Variants in AGBL1 observed in about 807,000 individuals in gnomAD.
The protein encoded by AGBL1 is cytosolic carboxypeptidase 4.
Under a neutral mutation model 118.9 loss-of-function variants are expected in AGBL1, and 130 were observed. The observed-to-expected ratio is 1.09, with a 90% CI of 0.95 to 1.26. The LOEUF (loss-of-function observed/expected upper bound fraction) is 1.26. Among genes scored for constraint, AGBL1 ranks in the 50% most tolerant of loss-of-function variants. The pLI is 0.00. For missense variants in AGBL1, 1,584 were observed against 1,298.1 expected (o/e 1.22, Z -3.38); for synonymous variants, 555 against 478.9 (o/e 1.16, Z -2.08).
intron 15 of AGBL1, among the ~76,000 whole-genome samples, chr15:86,274,020 T>A (rs2079204140): frequency 6.6e-6 from 1 of 152,212 alleles, no homozygotes; most frequent in Non-Finnish European, 1.5e-5. Flanking sequence ...CAATAAGATA[T>A]ATTTGTATGT....
chr15:86,752,664 T>C lies in AGBL1; in HGVS notation c.3158+78228T>C, dbSNP rs1468819864. On this transcript the variant is annotated intron_variant, in intron 22 of 22. Transcript: ENST00000614907. ...TCCCTGTACTCTTTTTACTGTTATC[T>C]ATATTTTTCAGACTGACATTAAGGA... Among the ~76,000 whole-genome samples, 11 of 152,088 alleles carry C rather than the reference T, an allele frequency of 7.2e-5. No individual in the cohort carries two copies. In the East Asian group the frequency reaches 2.1e-3, roughly 29 times the overall value.
At chr15:87,005,959 C>T (rs1307418727) in intron 24 of AGBL1, among the ~76,000 whole-genome samples, 1 of 152,240 alleles carries the variant, frequency 6.6e-6, no homozygotes, top group Admixed American at 6.5e-5. Flanking sequence ...TGGAGGTCCA[C>T]TCCAGACCCT....
intron 22 of AGBL1, among the ~76,000 whole-genome samples, chr15:86,687,061 T>G (rs2086071191): frequency 6.6e-6 from 1 of 152,080 alleles, no homozygotes; most frequent in African/African-American, 2.4e-5. Context: ...CAGGGTTTTG[T>G]CAGGAAAACA....
At chr15:86,925,208 G>A (rs1056296951) in intron 23 of AGBL1, among the ~76,000 whole-genome samples, 1 of 146,956 alleles carries the variant, frequency 6.8e-6, no homozygotes, top group Non-Finnish European at 1.5e-5. Context: ...AAAAGAAGAA[G>A]AAAAGAAGAA....
At chr15:86,262,503 A>G (rs982159359) in intron 9 of AGBL1, 2 of 438,998 alleles carry the variant, frequency 4.6e-6, no homozygotes, top group African/African-American at 2.0e-5. Flanking sequence ...TGCTTTATCA[A>G]TTATGTAGTT....
At chr15:86,587,306 C>G (rs2084264662) in intron 21 of AGBL1, among the ~76,000 whole-genome samples, 1 of 152,164 alleles carries the variant, frequency 6.6e-6, no homozygotes. Flanking sequence ...TTCCTCTGAC[C>G]TCTATGCTCC....
At chr15:86,617,760 GCACACACACACACACA>G (rs5814253) in intron 21 of AGBL1, among the ~76,000 whole-genome samples, 1 of 146,832 alleles carries the variant, frequency 6.8e-6, no homozygotes, top group African/African-American at 2.5e-5. Context: ...AACTTTATGC[GCACACACACACACACA>G]CACACACACA....
chr15:86,156,288 C>G (rs1407129926), intron 4 of AGBL1, among the ~76,000 whole-genome samples: 1 of 152,136 alleles, frequency 6.6e-6, no homozygotes, highest in Non-Finnish European at 1.5e-5. Context: ...CTACTGGCCC[C>G]TCTCTTTGGC....
intron 1 of AGBL1, among the ~76,000 whole-genome samples, chr15:86,122,993 C>A (rs1898178972): frequency 6.6e-6 from 1 of 152,158 alleles, no homozygotes; most frequent in African/African-American, 2.4e-5. Flanking sequence ...TGAAAGAAAT[C>A]AAAGTATTTT....
rs1181382767 is a variant in AGBL1, at chr15:86,247,689, C to T, written c.545C>T (p.Ala182Val). The change falls in exon 7 of 23, where the codon GCA (alanine) becomes GTA (valine). Residue 182 changes from alanine (A) to valine (V), a missense_variant. Physicochemically the swap from Ala to Val is moderately conservative, Grantham distance 64 (BLOSUM62 0). Transcript: ENST00000614907. ...TTTTCAGAGTCGAACGGCCGCAGAG[C>T]AGTGAACCGAGGCTACGTCACCAGC... Reference protein sequence around the residue: ...LLKSKSNGRRAVNRGYVTSLL... With the variant: ...LLKSKSNGRRVVNRGYVTSLL... 2 of 1,609,034 alleles carry T rather than the reference C, an allele frequency of 1.2e-6. No individual in the cohort carries two copies. The highest frequency in any genetic ancestry group is 2.7e-5 in the African/African-American group (2 of 74,984).
At chr15:86,088,601 C>T (rs1895823506) in intron 1 of AGBL1, among the ~76,000 whole-genome samples, 4 of 152,228 alleles carry the variant, frequency 2.6e-5, no homozygotes, top group Admixed American at 2.6e-4. Flanking sequence ...CAGAACTTCT[C>T]AAACTGGGTT....
intron 5 of AGBL1, among the ~76,000 whole-genome samples, chr15:86,177,075 A>C (rs1386139060): frequency 6.6e-5 from 10 of 152,262 alleles, no homozygotes; most frequent in African/African-American, 2.4e-4. Context: ...AAATATAAAG[A>C]CTTGAGTGGG....
intron 16 of AGBL1, among the ~76,000 whole-genome samples, chr15:86,292,345 A>C (rs920555379): frequency 6.6e-6 from 1 of 152,102 alleles, no homozygotes; most frequent in African/African-American, 2.4e-5. Flanking sequence ...ACCATGAGTG[A>C]AGGAATGCAG....
At chr15:86,243,490 G>T (rs995749457) in intron 6 of AGBL1, among the ~76,000 whole-genome samples, 3 of 152,296 alleles carry the variant, frequency 2.0e-5, no homozygotes, top group African/African-American at 7.2e-5. Context: ...AATGGGAGGT[G>T]AGGACAGAGA....
At chr15:86,417,642 C>G (rs545949908) in intron 18 of AGBL1, among the ~76,000 whole-genome samples, 2 of 152,224 alleles carry the variant, frequency 1.3e-5, no homozygotes, top group South Asian at 4.2e-4. Flanking sequence ...GTCCTGAGGT[C>G]TGGGACAACT....
chr15:86,592,042 A>T (rs1440051254), intron 21 of AGBL1, among the ~76,000 whole-genome samples: 1 of 152,220 alleles, frequency 6.6e-6, no homozygotes, highest in Non-Finnish European at 1.5e-5. Context: ...GAAGTAATAT[A>T]GACCCACCTC....
At chr15:86,105,023 G>T (rs1271470468) in intron 1 of AGBL1, 2 of 152,198 alleles carry the variant, frequency 1.3e-5, no homozygotes, top group Admixed American at 6.5e-5. Flanking sequence ...TGAGAAAGAT[G>T]CCTGATTTCC....
At chr15:86,972,429 GA>G (rs143717510) in intron 23 of AGBL1, among the ~76,000 whole-genome samples, 6,096 of 152,132 alleles carry the variant, frequency 0.04, 153 homozygotes, top group Middle Eastern at 0.068. Flanking sequence ...AGGCTTGGAT[GA>G]TAAATGGTCT....
At chr15:86,636,648 C>A (rs1444337258) in intron 21 of AGBL1, among the ~76,000 whole-genome samples, 1 of 128,090 alleles carries the variant, frequency 7.8e-6, no homozygotes, top group Non-Finnish European at 1.6e-5. Context: ...CACTGTGAGT[C>A]AGAAATTTTT....
Sources: allele counts gnomAD v4.1 joint callset (sites outside exome capture counted in the v4.1 genomes callset), GRCh38; gene constraint gnomAD v4.1.1; transcripts MANE v1.5; gene names NCBI Gene and HGNC (gene_info 2026-07-23, HGNC 2026-07-21).